The following DLGAP1 variants were observed in gnomAD, a reference collection of about 807,000 sequenced individuals.
DLGAP1 encodes DLG associated protein 1.
Under a neutral mutation model 90.8 loss-of-function variants are expected in DLGAP1, and 11 were observed. The observed-to-expected ratio is 0.12, with a 90% CI of 0.08 to 0.20. The LOEUF is 0.20. DLGAP1 is among the 10% of genes least tolerant of loss of function. The pLI is 1.00. For missense variants in DLGAP1, 1,050 were observed against 1,333.8 expected, an observed-to-expected ratio of 0.79 and a Z score of 3.31; for synonymous variants, 558 against 540.7, an observed-to-expected ratio of 1.03 and a Z score of -0.44.
chr18:3,999,306 T>C (rs2074133205), intron 3 of DLGAP1, among the ~76,000 whole-genome samples: 1 of 152,144 alleles, frequency 6.6e-6, no homozygotes, highest in Admixed American at 6.5e-5. Flanking sequence ...TAAAAGTTTA[T>C]ATGTATATAA....
chr18:3,577,299 C>T (rs994022776), intron 8 of DLGAP1, among the ~76,000 whole-genome samples: 6 of 152,180 alleles, frequency 3.9e-5, no homozygotes, highest in Non-Finnish European at 8.8e-5. Context: ...TTCTGGTAAC[C>T]CCACCTTTTC....
chr18:3,977,434 G>GTTTTTTTTTTTTTTTTTTTTTTTTTTTT (rs58599574), intron 3 of DLGAP1, among the ~76,000 whole-genome samples: 4 of 95,330 alleles, frequency 4.2e-5, no homozygotes, highest in African/African-American at 1.3e-4. Context: ...TTTATTCTGT[G>GTTTTTTTTTTTTTTTTTTTTTTTTTTTT]TTTTTTTTTT....
At chr18:4,089,961 C>T (rs1163048222) in intron 2 of DLGAP1, among the ~76,000 whole-genome samples, 3 of 152,100 alleles carry the variant, frequency 2.0e-5, no homozygotes, top group South Asian at 2.1e-4. Flanking sequence ...AGGAGAATGG[C>T]GTGAACCCGG....
At chr18:3,703,068 C>T (rs927140662) in intron 7 of DLGAP1, among the ~76,000 whole-genome samples, 2 of 152,072 alleles carry the variant, frequency 1.3e-5, no homozygotes, top group African/African-American at 4.8e-5. Context: ...CTGATGGTGC[C>T]AACAGGTCAT....
intron 9 of DLGAP1, among the ~76,000 whole-genome samples, chr18:3,555,162 C>T (rs2053678780): frequency 6.6e-6 from 1 of 152,156 alleles, no homozygotes; most frequent in African/African-American, 2.4e-5. Flanking sequence ...AAGTTAGAGA[C>T]AGAAGGTATT....
intron 2 of DLGAP1, among the ~76,000 whole-genome samples, chr18:4,044,693 G>A (rs935679976): frequency 6.6e-6 from 1 of 151,952 alleles, no homozygotes; most frequent in Non-Finnish European, 1.5e-5. Context: ...GTAAGCCGAG[G>A]TTGCACCACT....
At chr18:3,622,086 A>G (rs1383876314) in intron 7 of DLGAP1, among the ~76,000 whole-genome samples, 1 of 150,394 alleles carries the variant, frequency 6.6e-6, no homozygotes, top group Non-Finnish European at 1.5e-5. Context: ...GTGTGTACCC[A>G]CTGACTCTAC....
chr18:3,528,431 GC>G (rs1352169882), intron 10 of DLGAP1, among the ~76,000 whole-genome samples: 3 of 152,200 alleles, frequency 2.0e-5, no homozygotes, highest in Non-Finnish European at 4.4e-5. Context: ...ACAGAGTGGT[GC>G]TTGCCAAGGA....
In DLGAP1 at chr18:4,307,625, G is replaced by A. The variant is rs9959224; in HGVS notation, c.-267+147381C>T. ...TGCACCAGCCACAGAAATAGAACAC[G>A]GCAGAGCCAGGCGGCAGGGCCTGCA... On this transcript the variant is annotated intron_variant, in intron 1 of 12. Coordinates refer to ENST00000315677, the MANE Select transcript of DLGAP1 (RefSeq NM_004746.4). Among the ~76,000 whole-genome samples the A allele has an allele frequency of 3.8e-3, 574 of 151,990 alleles. 4 individuals are homozygous for A. The highest frequency in any genetic ancestry group is 0.012 in the African/African-American group (511 of 41,460).
rs2071078133 is a variant in DLGAP1 at position 3,879,130 on chromosome 18, G to A, written c.939C>T (p.Arg313=). The change falls in exon 4 of 13, where the codon CGC becomes CGT. Residue 313 remains arginine, a synonymous_variant. Coordinates refer to ENST00000315677, the MANE Select transcript of DLGAP1 (RefSeq NM_004746.4). This position sits in a 1 kb window ranked among gnomAD's most constrained non-coding sequence, Gnocchi z 6.6. ...ATGGTACCTGCAGGTACTGGCAGGA[G>A]CGTTCTTGCTGACACGACTCGGACT... ...MVKSESCQQE[R]SCQYLQVPQD... is the part of the protein sequence containing the mutation. The A allele has an allele frequency of 6.6e-7, 1 of 1,504,502 alleles. No homozygotes were observed. The highest frequency in any genetic ancestry group is 8.9e-7 in the Non-Finnish European group (1 of 1,126,246). The allele number at this position is 1,504,502 out of a possible 1,614,324, so 93.2% of individuals were successfully genotyped here.
intron 1 of DLGAP1, among the ~76,000 whole-genome samples, chr18:4,369,373 T>C (rs1354747980): frequency 1.3e-5 from 2 of 152,208 alleles, no homozygotes; most frequent in Non-Finnish European, 2.9e-5. Context: ...TGTCTCCTGC[T>C]GACAAGAGAT....
At chr18:4,220,989 T>C (rs1430945740) in intron 1 of DLGAP1, among the ~76,000 whole-genome samples, 2 of 152,164 alleles carry the variant, frequency 1.3e-5, no homozygotes, top group African/African-American at 4.8e-5. Flanking sequence ...TTACCTACAG[T>C]ATTCAGTACA....
At chr18:3,687,642 G>A (rs1477238129) in intron 7 of DLGAP1, among the ~76,000 whole-genome samples, 1 of 152,068 alleles carries the variant, frequency 6.6e-6, no homozygotes, top group African/African-American at 2.4e-5. Flanking sequence ...CAATGGAAAA[G>A]TACTTTCAGA....
chr18:3,626,727 A>T (rs537121174), intron 7 of DLGAP1, among the ~76,000 whole-genome samples: 20 of 151,966 alleles, frequency 1.3e-4, no homozygotes, highest in African/African-American at 4.3e-4. Flanking sequence ...CCAACATGGA[A>T]AAATTTTGTC....
intron 7 of DLGAP1, among the ~76,000 whole-genome samples, chr18:3,601,347 A>G (rs2057013231): frequency 6.6e-6 from 1 of 151,846 alleles, no homozygotes; most frequent in South Asian, 2.1e-4. Context: ...CGGCCTCCCA[A>G]AATGCTGGGT....
intron 4 of DLGAP1, among the ~76,000 whole-genome samples, chr18:3,824,702 G>A (rs528090329): frequency 6.6e-5 from 10 of 152,224 alleles, no homozygotes; most frequent in African/African-American, 2.4e-4. Context: ...GATTTAAGAA[G>A]AGACACAACT....
At chr18:4,305,633 C>T (rs1453300033) in intron 1 of DLGAP1, among the ~76,000 whole-genome samples, 1 of 151,870 alleles carries the variant, frequency 6.6e-6, no homozygotes, top group East Asian at 1.9e-4. Flanking sequence ...GATGATCCTT[C>T]CAACAATTTT....
chr18:3,748,435 G>C (rs930903069), intron 5 of DLGAP1, among the ~76,000 whole-genome samples: 10 of 152,224 alleles, frequency 6.6e-5, no homozygotes, highest in African/African-American at 2.4e-4. Flanking sequence ...CCCCAAAGAA[G>C]GAAATGCTTC....
chr18:4,385,700 T>C (rs1198555281), intron 1 of DLGAP1, among the ~76,000 whole-genome samples: 1 of 152,188 alleles, frequency 6.6e-6, no homozygotes, highest in Non-Finnish European at 1.5e-5. Flanking sequence ...ATCCAGAGAC[T>C]TCTAAAACAA....
Sources: gnomAD v4.1 joint callset for allele counts (sites outside exome capture counted in the v4.1 genomes callset) on GRCh38, gnomAD v4.1.1 for gene constraint, Gnocchi (gnomAD v3.1) non-coding constraint, MANE v1.5 for transcripts, NCBI Gene and HGNC (gene_info 2026-07-23, HGNC 2026-07-21) for gene names.